The following DOCK4 variants were observed in gnomAD, a reference collection of about 807,000 sequenced individuals.
DOCK4 encodes dedicator of cytokinesis protein 4.
In DOCK4, 97 loss-of-function variants were observed where a neutral mutation model predicts 268.1. The observed-to-expected ratio is 0.36, with a 90% confidence interval of 0.31 to 0.43. The LOEUF is 0.43. Ranked by LOEUF, DOCK4 falls within the 20% of genes least tolerant of loss-of-function variation. DOCK4 has a pLI of 1.00. For missense variants in DOCK4, 2,145 were observed against 2,455.7 expected, an observed-to-expected ratio of 0.87 and a Z score of 2.67; for synonymous variants, 954 against 887.2, an observed-to-expected ratio of 1.08 and a Z score of -1.34.
intron 12 of DOCK4, among the ~76,000 whole-genome samples, chr7:111,925,993 G>T (rs1252160530): frequency 6.7e-6 from 1 of 149,796 alleles, no homozygotes; most frequent in Non-Finnish European, 1.5e-5. Flanking sequence ...TATTCAGGAG[G>T]CTGAGGCAGG....
intron 44 of DOCK4, among the ~76,000 whole-genome samples, chr7:111,745,264 G>A (rs1297164513): frequency 1.3e-5 from 2 of 152,172 alleles, no homozygotes; most frequent in Admixed American, 6.5e-5. Context: ...TGCAAAATAT[G>A]ACACTGCTTT....
intron 1 of DOCK4, among the ~76,000 whole-genome samples, chr7:112,141,222 C>G (rs746046033): frequency 1.1e-4 from 17 of 152,082 alleles, no homozygotes; most frequent in African/African-American, 3.9e-4. Flanking sequence ...TCCTCAATCC[C>G]GAATCCCACA....
intron 1 of DOCK4, among the ~76,000 whole-genome samples, chr7:112,119,823 T>C (rs1392355153): frequency 1.3e-5 from 2 of 151,886 alleles, no homozygotes; most frequent in East Asian, 3.9e-4. Flanking sequence ...TGGCGTATAT[T>C]TAGTGCTCAA....
intron 1 of DOCK4, among the ~76,000 whole-genome samples, chr7:112,146,029 C>T (rs1159542734): frequency 1.3e-5 from 2 of 152,026 alleles, no homozygotes; most frequent in African/African-American, 4.8e-5. Context: ...AAAATACCTC[C>T]CAAAGCCAGA....
chr7:111,894,690 C>G (rs1261218588), intron 16 of DOCK4, among the ~76,000 whole-genome samples: 1 of 152,116 alleles, frequency 6.6e-6, no homozygotes, highest in Non-Finnish European at 1.5e-5. Flanking sequence ...GGTGAAGAAC[C>G]AGAATGTGCT....
At chr7:111,927,599 A>G (rs181451338) in intron 12 of DOCK4, among the ~76,000 whole-genome samples, 25 of 152,316 alleles carry the variant, frequency 1.6e-4, no homozygotes, top group African/African-American at 4.8e-4. Flanking sequence ...TCAACATTTC[A>G]ATAGCATATA....
At chr7:112,043,237 T>TAA (rs35235606) in intron 1 of DOCK4, among the ~76,000 whole-genome samples, 2 of 145,080 alleles carry the variant, frequency 1.4e-5, no homozygotes, top group Non-Finnish European at 3.1e-5. Flanking sequence ...ATCTCCTTTA[T>TAA]AAAAAAAAAA....
At chr7:111,920,026 A>G (rs1792966841) in intron 12 of DOCK4, among the ~76,000 whole-genome samples, 1 of 152,344 alleles carries the variant, frequency 6.6e-6, no homozygotes, top group East Asian at 1.9e-4. Context: ...ACTCATCACT[A>G]TAAAGGAAAG....
At chr7:112,018,161 A>C (rs1199685684) in intron 1 of DOCK4, among the ~76,000 whole-genome samples, 5 of 140,776 alleles carry the variant, frequency 3.6e-5, no homozygotes, top group African/African-American at 1.1e-4. Context: ...AAAAAAAAAA[A>C]AAAAAAAAAA....
At chr7:111,801,218 T>C (rs1800253212) in intron 30 of DOCK4, among the ~76,000 whole-genome samples, 1 of 152,208 alleles carries the variant, frequency 6.6e-6, no homozygotes, top group Non-Finnish European at 1.5e-5. Flanking sequence ...TTTTGCGGAC[T>C]GTGTGAATGA....
At chr7:111,746,034 A>G (rs1796244253) in intron 44 of DOCK4, among the ~76,000 whole-genome samples, 1 of 152,224 alleles carries the variant, frequency 6.6e-6, no homozygotes, top group Non-Finnish European at 1.5e-5. Flanking sequence ...CCCCCAAGAT[A>G]TCTCTTATGT....
chr7:111,926,795 C>T (rs561984351), intron 12 of DOCK4, among the ~76,000 whole-genome samples: 2 of 148,962 alleles, frequency 1.3e-5, no homozygotes, highest in South Asian at 4.2e-4. Context: ...GATCATGCCA[C>T]TGCACTCCAG....
In DOCK4 at chr7:111,784,465, C is replaced by T. The variant is rs960955727; in HGVS notation, c.3402-342G>A. On this transcript the variant is annotated intron_variant, in intron 32 of 52. Coordinates refer to ENST00000428084, the MANE Select transcript of DOCK4 (RefSeq NM_001363540.2). ...GAAAATCCTTGTACAGCTGGTATGA[C>T]GTTTTGCGTTTTTTCCTTTCACTTA... 1.3e-5 allele frequency: 7 copies of T among 522,064 alleles called. 1 individual carries two copies. The highest frequency in any genetic ancestry group is 4.9e-5 in the East Asian group (1 of 20,446). The allele number at this position is 522,064 out of a possible 1,614,324, so 32.3% of individuals were successfully genotyped here.
intron 1 of DOCK4, among the ~76,000 whole-genome samples, chr7:112,058,427 A>C (rs1298167602): frequency 6.6e-6 from 1 of 152,184 alleles, no homozygotes; most frequent in African/African-American, 2.4e-5. Context: ...CATTAAATTT[A>C]ATTTGTGACC....
At chr7:111,732,048 G>A (rs928751618) in intron 52 of DOCK4, among the ~76,000 whole-genome samples, 178 bp downstream of exon 52, 1 of 152,200 alleles carries the variant, frequency 6.6e-6, no homozygotes, top group African/African-American at 2.4e-5. Flanking sequence ...TTGTGCAGGA[G>A]GCACCCAGAA....
intron 1 of DOCK4, among the ~76,000 whole-genome samples, chr7:112,201,111 T>A (rs1820893978): frequency 6.6e-6 from 1 of 152,034 alleles, no homozygotes; most frequent in East Asian, 1.9e-4. Context: ...TACAAAAAAC[T>A]AAGAGTAAAG....
In DOCK4 at chr7:112,123,495, A is replaced by G. The variant is rs767714288; in HGVS notation, c.37+82607T>C. Among the ~76,000 whole-genome samples the G allele has an allele frequency of 1.4e-4, 21 of 152,318 alleles. 1 individual carries two copies. In the South Asian group the frequency reaches 3.1e-3, roughly 23 times the overall value. ...ACATCTTTGACTCAAAGTCAAAATA[A>G]AAGTCTAGTTAAGTGATTGCAGTTT... On this transcript the variant is annotated intron_variant, in intron 1 of 52. Coordinates refer to ENST00000428084, the MANE Select transcript of DOCK4 (RefSeq NM_001363540.2).
At chr7:111,835,373 A>C (rs2134030142) in intron 25 of DOCK4, among the ~76,000 whole-genome samples, 2 of 152,248 alleles carry the variant, frequency 1.3e-5, no homozygotes, top group Non-Finnish European at 2.9e-5. Flanking sequence ...ATTGAAAACA[A>C]TTTTTTTAAT....
chr7:111,959,436 C>A (rs1404545643), intron 8 of DOCK4, among the ~76,000 whole-genome samples: 1 of 152,128 alleles, frequency 6.6e-6, no homozygotes, highest in African/African-American at 2.4e-5. Flanking sequence ...ACAATATATG[C>A]TCCTAATTTA....
Sources: gnomAD v4.1 joint callset for allele counts (sites outside exome capture counted in the v4.1 genomes callset) on GRCh38, gnomAD v4.1.1 for gene constraint, MANE v1.5 for transcripts, NCBI Gene and HGNC (gene_info 2026-07-23, HGNC 2026-07-21) for gene names.